The following FSIP1 variants were observed in gnomAD, a reference collection of about 807,000 sequenced individuals.
FSIP1 encodes the protein fibrous sheath interacting protein 1.
A neutral mutation model predicts 60.9 loss-of-function variants in FSIP1; 65 were observed. The observed-to-expected ratio is 1.07, with a 90% CI of 0.87 to 1.31. The LOEUF (loss-of-function observed/expected upper bound fraction) is 1.31, where lower values mean the gene tolerates loss of function less well. Among genes scored for constraint, FSIP1 ranks in the 40% most tolerant of loss-of-function variants. The probability of loss-of-function intolerance (pLI) is 0.00; values close to 1 mark genes in which losing one functional copy is unlikely to be tolerated. For missense variants in FSIP1, 675 were observed against 665.5 expected (o/e 1.01, Z -0.16); for synonymous variants, 209 against 221.2 (o/e 0.94, Z 0.49).
chr15:39,666,965 A>C (rs1166016929), intron 10 of FSIP1, among the ~76,000 whole-genome samples: 1 of 152,074 alleles, frequency 6.6e-6, no homozygotes, highest in Non-Finnish European at 1.5e-5. Flanking sequence ...TTGTAAGCAA[A>C]CTCTAGAGAT....
At chr15:39,627,427 C>T (rs114045198) in intron 10 of FSIP1, among the ~76,000 whole-genome samples, 1,734 of 152,294 alleles carry the variant, frequency 0.011, 41 homozygotes, top group African/African-American at 0.039. Context: ...GATCAGCTGG[C>T]CACTTCTAGG....
intron 10 of FSIP1, among the ~76,000 whole-genome samples, chr15:39,688,378 A>G (rs1306035430): frequency 1.3e-5 from 2 of 152,202 alleles, no homozygotes; most frequent in African/African-American, 2.4e-5. Flanking sequence ...ATATTAGCCT[A>G]CAGTTGGGAA....
intron 11 of FSIP1, among the ~76,000 whole-genome samples, chr15:39,607,174 T>A (rs1890856737): frequency 6.6e-6 from 1 of 152,130 alleles, no homozygotes; most frequent in Non-Finnish European, 1.5e-5. Context: ...AGCACCCAGC[T>A]CCCACCTGAC....
intron 10 of FSIP1, among the ~76,000 whole-genome samples, chr15:39,624,852 C>A (rs1891574488): frequency 6.6e-6 from 1 of 152,178 alleles, no homozygotes; most frequent in Non-Finnish European, 1.5e-5. Context: ...AAGCAAATAT[C>A]ATTGCCAGAG....
rs1223500328 is a variant in FSIP1 at position 39,633,064 on chromosome 15, A to G, written c.1189-14819T>C. ...CCTATAATTATCATTTTTAATGTCC[A>G]AAATCTTCCCCACATAGGCTATACT... On this transcript the variant is annotated intron_variant, in intron 10 of 11. Coordinates refer to ENST00000350221, the MANE Select transcript of FSIP1 (RefSeq NM_152597.5). Among the ~76,000 whole-genome samples the G allele has an allele frequency of 3.3e-5, 5 of 150,846 alleles. 1 individual carries two copies. In the East Asian group the frequency reaches 9.7e-4, roughly 29 times the overall value.
chr15:39,638,888 A>G (rs1239236064), intron 10 of FSIP1, among the ~76,000 whole-genome samples: 1 of 152,074 alleles, frequency 6.6e-6, no homozygotes, highest in African/African-American at 2.4e-5. Context: ...AATTTGCTCC[A>G]TTTCAATAGA....
intron 11 of FSIP1, among the ~76,000 whole-genome samples, 183 bp from the exon 12 acceptor site, chr15:39,601,109 G>T (rs938815669): frequency 1.3e-5 from 2 of 152,064 alleles, no homozygotes; most frequent in Non-Finnish European, 2.9e-5. Context: ...AAAATAGAAA[G>T]ATCAGGGCGC....
chr15:39,617,691 C>G, intron 11 of FSIP1, 44 bp downstream of exon 11: 1 of 1,536,764 alleles, frequency 6.5e-7, no homozygotes, highest in Non-Finnish European at 8.8e-7. Context: ...TATTGAGGTG[C>G]TTTTAAGAAT....
At chr15:39,614,235 G>C (rs948839476) in intron 11 of FSIP1, among the ~76,000 whole-genome samples, 5 of 151,886 alleles carry the variant, frequency 3.3e-5, no homozygotes, top group Non-Finnish European at 7.4e-5. Context: ...TAAAGTTACA[G>C]GATATAAAAT....
intron 11 of FSIP1, among the ~76,000 whole-genome samples, chr15:39,614,367 A>G (rs1891145655): frequency 6.6e-6 from 1 of 152,198 alleles, no homozygotes; most frequent in East Asian, 1.9e-4. Flanking sequence ...GAGGTGAAAG[A>G]ACTATATATT....
intron 10 of FSIP1, among the ~76,000 whole-genome samples, chr15:39,669,497 G>C (rs1595594356): frequency 6.6e-6 from 1 of 152,270 alleles, no homozygotes; most frequent in East Asian, 1.9e-4. Context: ...TATTTGAAGT[G>C]CCAAGAACAG....
chr15:39,725,215 G>C (rs117993848), intron 9 of FSIP1, among the ~76,000 whole-genome samples: 10 of 152,192 alleles, frequency 6.6e-5, no homozygotes, highest in Admixed American at 5.9e-4. Flanking sequence ...TGGTGACAGA[G>C]CGAGATTCCG....
At chr15:39,657,932 T>A (rs1478648454) in intron 10 of FSIP1, among the ~76,000 whole-genome samples, 1 of 152,224 alleles carries the variant, frequency 6.6e-6, no homozygotes, top group Admixed American at 6.5e-5. Context: ...CCTCAAGGTT[T>A]GGGCCATTCC....
chr15:39,636,004 G>T (rs1483638082), intron 10 of FSIP1, among the ~76,000 whole-genome samples: 2 of 152,022 alleles, frequency 1.3e-5, no homozygotes, highest in African/African-American at 4.8e-5. Context: ...CATCTCATCA[G>T]GACCCTCTCA....
chr15:39,651,628 G>C (rs1439019612), intron 10 of FSIP1, among the ~76,000 whole-genome samples: 1 of 152,178 alleles, frequency 6.6e-6, no homozygotes, highest in African/African-American at 2.4e-5. Flanking sequence ...TTGTGTGACT[G>C]TTATTGCTTT....
At chr15:39,626,797 T>C (rs1480262293) in intron 10 of FSIP1, among the ~76,000 whole-genome samples, 2 of 131,918 alleles carry the variant, frequency 1.5e-5, no homozygotes, top group Non-Finnish European at 3.3e-5. Flanking sequence ...ATAAATTACG[T>C]AGTATTTTTA....
chr15:39,631,065 C>G (rs940036392), intron 10 of FSIP1, among the ~76,000 whole-genome samples: 1 of 152,222 alleles, frequency 6.6e-6, no homozygotes, highest in Admixed American at 6.5e-5. Flanking sequence ...CGGGCTGGCA[C>G]CAGGTCCTCC....
rs528733171 is a variant in FSIP1 at position 39,698,267 on chromosome 15, A to C, written c.1188+15177T>G. Among the ~76,000 whole-genome samples, 4 of 151,640 alleles carry C rather than the reference A, an allele frequency of 2.6e-5. No individual in the cohort carries two copies. In the South Asian group the frequency reaches 8.3e-4, roughly 31 times the overall value. On this transcript the variant is annotated intron_variant, in intron 10 of 11. Transcript: ENST00000350221. ...AATGATGTTTGACTATAGTGAGTTAAATATAATTTCATCTGCTTCTTTTTG... is the reference window on the plus strand; with the variant it reads ...AATGATGTTTGACTATAGTGAGTTACATATAATTTCATCTGCTTCTTTTTG...
intron 11 of FSIP1, among the ~76,000 whole-genome samples, chr15:39,615,778 A>G (rs1891206969): frequency 6.6e-6 from 1 of 151,324 alleles, no homozygotes; most frequent in Non-Finnish European, 1.5e-5. Context: ...GTAGAATGGC[A>G]GTTACCAGTG....
Sources: gnomAD v4.1 joint callset for allele counts (sites outside exome capture counted in the v4.1 genomes callset) on GRCh38, gnomAD v4.1.1 for gene constraint, MANE v1.5 for transcripts, NCBI Gene and HGNC (gene_info 2026-07-23, HGNC 2026-07-21) for gene names.